Variants in RRBP1 observed in about 807,000 individuals in gnomAD.
The protein encoded by RRBP1 is ribosome-binding protein 1.
RRBP1 carries 94 observed loss-of-function variants against 165.2 expected under a neutral mutation model. That is an observed-to-expected ratio of 0.57 (90% confidence interval 0.48 to 0.68). The LOEUF (loss-of-function observed/expected upper bound fraction) is 0.68, where lower values mean the gene tolerates loss of function less well. Ranked by LOEUF, RRBP1 falls within the 30% of genes least tolerant of loss-of-function variation. The pLI, the probability that RRBP1 is intolerant of heterozygous loss-of-function variation, is 0.00. For synonymous variants in RRBP1, 680 were observed against 714.5 expected, an observed-to-expected ratio of 0.95 and a Z score of 0.77; for missense variants, 1,676 against 1,763.0, an observed-to-expected ratio of 0.95 and a Z score of 0.88.
intron 11 of RRBP1, among the ~76,000 whole-genome samples, chr20:17,626,217 T>A (rs2036016179): frequency 6.6e-6 from 1 of 152,156 alleles, no homozygotes; most frequent in East Asian, 1.9e-4. Flanking sequence ...AAATTCAGAT[T>A]AATCCTAACT....
At chr20:17,638,763 C>G (rs772263147) in intron 5 of RRBP1, among the ~76,000 whole-genome samples, 44 of 152,222 alleles carry the variant, frequency 2.9e-4, no homozygotes, top group Non-Finnish European at 5.1e-4. Flanking sequence ...GGCACCATCA[C>G]TAGCATTGGC....
At chr20:17,681,554 C>CG (rs11482786) in intron 1 of RRBP1, among the ~76,000 whole-genome samples, 2 of 149,624 alleles carry the variant, frequency 1.3e-5, no homozygotes, top group South Asian at 2.1e-4. Context: ...GCCCGCACCC[C>CG]ACCCCTCCGG....
At chr20:17,625,241 C>A (rs531970404) in intron 12 of RRBP1, among the ~76,000 whole-genome samples, 1 of 152,266 alleles carries the variant, frequency 6.6e-6, no homozygotes, top group South Asian at 2.1e-4. Context: ...CAGGCCAGGC[C>A]AACAGCACAC....
At chr20:17,664,321 G>A (rs2036826916) in intron 2 of RRBP1, among the ~76,000 whole-genome samples, 1 of 152,166 alleles carries the variant, frequency 6.6e-6, no homozygotes. Context: ...ACTCAGAATG[G>A]CATGCAACTT....
intron 5 of RRBP1, among the ~76,000 whole-genome samples, chr20:17,641,252 G>T (rs1036366960): frequency 6.6e-6 from 1 of 152,250 alleles, no homozygotes; most frequent in African/African-American, 2.4e-5. Context: ...ACCGTTTGCT[G>T]TTCAGAGTGC....
At chr20:17,616,113 T>C in intron 21 of RRBP1, 104 bp from the exon 22 acceptor site, 2 of 936,984 alleles carry the variant, frequency 2.1e-6, no homozygotes, top group South Asian at 3.3e-5. Flanking sequence ...TAGCTTCCCC[T>C]TTCCCTGCCC....
In RRBP1 at chr20:17,643,481, G is replaced by A. The variant is rs2036405954; in HGVS notation, c.1913-354C>T. 6.7e-6 allele frequency among the ~76,000 whole-genome samples: 1 copy of A among 150,120 alleles called. No homozygotes were observed. Among genetic ancestry groups the A allele is most frequent in the African/African-American group, 2.5e-5 (1 of 40,688 alleles). On this transcript the variant is annotated intron_variant, in intron 3 of 24. Coordinates refer to ENST00000377813, the MANE Select transcript of RRBP1 (RefSeq NM_001365613.2). The surrounding 1 kb of genome is among the most constrained non-coding windows in gnomAD (Gnocchi z 4.3). ...CTTTTCTCCCTTCCTTTTTTTTCTCGCAAATGCACTGGTCCTGTTCTCAAC... is the reference window on the plus strand; with the variant it reads ...CTTTTCTCCCTTCCTTTTTTTTCTCACAAATGCACTGGTCCTGTTCTCAAC...
intron 13 of RRBP1, among the ~76,000 whole-genome samples, chr20:17,622,302 T>C (rs575756955): frequency 2.6e-4 from 40 of 152,142 alleles, no homozygotes; most frequent in African/African-American, 8.7e-4. Context: ...GTGGGGGAAT[T>C]TGGGGGGTCC....
rs368984733 is a variant in RRBP1 at position 17,625,502 on chromosome 20, C to A, written c.3054+10G>T. On this transcript the variant is annotated intron_variant, in intron 12 of 24. Transcript: ENST00000377813. ...GCCCGTCCGTCCCCGCCTGTGCCTG[C>A]CGCACTCACATTGTTCTTCACTTTC... The A allele has an allele frequency of 4.3e-6, 7 of 1,612,654 alleles. No homozygotes were observed. The highest frequency in any genetic ancestry group is 5.9e-6 in the Non-Finnish European group (7 of 1,179,142).
chr20:17,625,365 C>T, intron 12 of RRBP1, 147 bp downstream of exon 12: 1 of 693,590 alleles, frequency 1.4e-6, no homozygotes, highest in South Asian at 1.8e-5. Context: ...ACCCCCCACA[C>T]CCTGGACCCC....
rs538828830 is a variant in RRBP1, at chr20:17,643,045, G to A, written c.1995C>T (p.Gly665=). ...STVGSMVFNE[G]EAQRLIEILS... ...GGATCTCGATGAGCCGCTGGGCCTCGCCCTCGTTGAACACCATGCTCCCAA... is the reference window on the plus strand; with the variant it reads ...GGATCTCGATGAGCCGCTGGGCCTCACCCTCGTTGAACACCATGCTCCCAA... The change falls in exon 4 of 25, where the codon GGC becomes GGT. Residue 665 remains glycine (G), a synonymous_variant. Coordinates refer to ENST00000377813, the MANE Select transcript of RRBP1 (RefSeq NM_001365613.2). This position sits in a 1 kb window ranked among gnomAD's most constrained non-coding sequence, Gnocchi z 4.3. The A allele has an allele frequency of 2.5e-5, 41 of 1,614,054 alleles. No individual in the cohort carries two copies. Among genetic ancestry groups the A allele is most frequent in the Middle Eastern group, 3.3e-4 (2 of 6,062 alleles).
intron 2 of RRBP1, among the ~76,000 whole-genome samples, chr20:17,665,825 A>G (rs2036858575): frequency 6.6e-6 from 1 of 152,214 alleles, no homozygotes; most frequent in Admixed American, 6.5e-5. Flanking sequence ...TCTTCAAAAG[A>G]CTTTGGTAAT....
intron 5 of RRBP1, 27 bp downstream of exon 5, chr20:17,641,770 C>T (rs2036365199): frequency 1.9e-6 from 3 of 1,610,028 alleles, no homozygotes; most frequent in Admixed American, 3.3e-5. Context: ...AGAGGACAAA[C>T]CATCTCCGAG....
At chr20:17,633,396 C>T (rs758760429) in intron 8 of RRBP1, 64 bp downstream of exon 8, 87 of 1,557,374 alleles carry the variant, frequency 5.6e-5, no homozygotes, top group Non-Finnish European at 7.0e-5. Context: ...GGCCCATCCC[C>T]GCTATGCAGA....
intron 3 of RRBP1, among the ~76,000 whole-genome samples, chr20:17,651,331 C>T (rs930977118): frequency 2.6e-5 from 4 of 152,226 alleles, no homozygotes; most frequent in Middle Eastern, 3.2e-3. Flanking sequence ...CAATGCAGCA[C>T]TGTCTTCCTA....
rs760416558 is a variant in RRBP1, at chr20:17,627,563, T to C, written c.2869A>G (p.Ile957Val). Residue 957 changes from isoleucine to valine, a missense_variant, in exon 10 of 25, where the codon ATC (isoleucine) becomes GTC (valine). This residue lies in a region of RRBP1 where 1,184 missense variants were observed against 1,167.1 expected (regional missense o/e 1.01). Transcript: ENST00000377813. The part of the protein sequence containing the change: ...RAENSQLTER[I>V]RSIEALLEAG... Reference sequence around the variant, plus strand: ...TCCAGCAGGGCCTCAATGGAACGGATTCTCTCTGTGAGCTGGGAGTTCTCC... The same window carrying C: ...TCCAGCAGGGCCTCAATGGAACGGACTCTCTCTGTGAGCTGGGAGTTCTCC... The C allele has an allele frequency of 3.8e-5, 61 of 1,613,382 alleles. No individual in the cohort carries two copies. The highest frequency in any genetic ancestry group is 4.9e-5 in the Non-Finnish European group (58 of 1,179,936).
chr20:17,636,859 T>A, intron 5 of RRBP1, 130 bp from the exon 6 acceptor site: 1 of 1,156,702 alleles, frequency 8.6e-7, no homozygotes. Context: ...CTGGCCGGGT[T>A]CTCAGCTAGA....
At chr20:17,665,137 A>G (rs545289059) in intron 2 of RRBP1, among the ~76,000 whole-genome samples, 111 of 152,062 alleles carry the variant, frequency 7.3e-4, no homozygotes, top group African/African-American at 2.5e-3. Context: ...ACACATGTGT[A>G]TATGTATATA....
At chr20:17,662,783 C>T (rs2036789911) in intron 2 of RRBP1, among the ~76,000 whole-genome samples, 1 of 152,156 alleles carries the variant, frequency 6.6e-6, no homozygotes, top group Admixed American at 6.5e-5. Flanking sequence ...AGTCAACCCT[C>T]ACTTTTTGGC....
Sources: gnomAD v4.1 joint callset for allele counts (sites outside exome capture counted in the v4.1 genomes callset) on GRCh38, gnomAD v4.1.1 for gene constraint, gnomAD v4.1.1 regional missense constraint, Gnocchi (gnomAD v3.1) non-coding constraint, MANE v1.5 for transcripts, NCBI Gene and HGNC (gene_info 2026-07-23, HGNC 2026-07-21) for gene names.